YPEL1: variants seen among roughly 807,000 people sequenced by gnomAD.
YPEL1 encodes the protein yippee like 1, also known as protein yippee-like 1.
A neutral mutation model predicts 17.3 loss-of-function variants in YPEL1; 7 were observed. The observed-to-expected ratio is 0.40, with a 90% CI of 0.23 to 0.76. YPEL1 has a LOEUF of 0.76. Ranked by LOEUF, YPEL1 falls within the 30% of genes least tolerant of loss-of-function variation. The probability of loss-of-function intolerance (pLI) is 0.35; values close to 1 mark genes in which losing one functional copy is unlikely to be tolerated. For missense variants in YPEL1, 91 were observed against 155.5 expected, an observed-to-expected ratio of 0.59 and a Z score of 2.21; for synonymous variants, 59 against 59.6, an observed-to-expected ratio of 0.99 and a Z score of 0.05.
chr22:21,711,389 C>T (rs2068164381), intron 1 of YPEL1, among the ~76,000 whole-genome samples: 1 of 152,178 alleles, frequency 6.6e-6, no homozygotes, highest in Non-Finnish European at 1.5e-5. Flanking sequence ...CCAGGTTTGG[C>T]TTTGGAAACA....
intron 1 of YPEL1, among the ~76,000 whole-genome samples, chr22:21,714,286 G>A (rs1335764093): frequency 1.3e-5 from 2 of 152,220 alleles, no homozygotes; most frequent in Admixed American, 6.5e-5. Context: ...CGGTCACCAC[G>A]GCGCTGCTGT....
intron 1 of YPEL1, among the ~76,000 whole-genome samples, chr22:21,732,692 G>GA (rs1291494425): frequency 6.6e-6 from 1 of 152,068 alleles, no homozygotes; most frequent in Non-Finnish European, 1.5e-5. Flanking sequence ...TGAGACAGGA[G>GA]AATCGCTTGA....
chr22:21,713,189 G>A (rs1438872310), intron 1 of YPEL1, among the ~76,000 whole-genome samples: 2 of 152,136 alleles, frequency 1.3e-5, no homozygotes, highest in African/African-American at 2.4e-5. Context: ...GAGGCACTAT[G>A]GGAAACAGTA....
Position 21,703,751 on chromosome 22 carries a change from G to C in YPEL1, c.161+88C>G. ...TTCTTTCAGGACCCCTAAAGACCCA[G>C]GTGATTCTACACAGGGCACTGTGTA... On this transcript the variant is annotated intron_variant, in intron 3 of 4. Transcript: ENST00000339468. This position sits in a 1 kb window ranked among gnomAD's most constrained non-coding sequence, Gnocchi z 6.1. 1.4e-6 allele frequency: 2 copies of C among 1,433,380 alleles called. No homozygotes were observed. Among genetic ancestry groups the C allele is most frequent in the South Asian group, 2.5e-5 (2 of 79,870 alleles). 88.8% of individuals were successfully genotyped at this position (1,433,380 alleles called of 1,614,324 possible).
intron 1 of YPEL1, among the ~76,000 whole-genome samples, chr22:21,717,145 CGGG>C (rs999891495): frequency 1.5e-5 from 1 of 68,782 alleles, no homozygotes; most frequent in East Asian, 3.3e-4. Flanking sequence ...GCTGGGGGGG[CGGG>C]GGGCGGATCA....
intron 4 of YPEL1, among the ~76,000 whole-genome samples, chr22:21,702,625 A>C (rs1042598273): frequency 3.3e-5 from 5 of 151,626 alleles, no homozygotes; most frequent in Admixed American, 6.6e-5. Context: ...AACAAACAAA[A>C]CAACAACAAC....
chr22:21,701,824 C>T (rs1462388816), intron 4 of YPEL1, among the ~76,000 whole-genome samples: 1 of 152,140 alleles, frequency 6.6e-6, no homozygotes, highest in African/African-American at 2.4e-5. Flanking sequence ...CTTTGGGAGG[C>T]CAAGGAAGGA....
intron 1 of YPEL1, among the ~76,000 whole-genome samples, chr22:21,730,870 G>A (rs994285717): frequency 2.0e-5 from 3 of 152,214 alleles, no homozygotes; most frequent in East Asian, 3.8e-4. Context: ...GGCCCCAGGT[G>A]CCTCGGCCCT....
In YPEL1 at chr22:21,703,715, G is replaced by GGGGA; in HGVS notation, c.161+123_161+124insTCCC. 1 of 1,130,282 alleles carries GGGGA rather than the reference G, an allele frequency of 8.8e-7. No individual in the cohort carries two copies. The highest frequency in any genetic ancestry group is 1.3e-6 in the Non-Finnish European group (1 of 795,632). 70.0% of individuals were successfully genotyped at this position (1,130,282 alleles called of 1,614,324 possible). A position where few individuals can be genotyped will look rare whatever the true frequency, so the allele number is the denominator to read the frequency against. On this transcript the variant is annotated intron_variant, in intron 3 of 4. Transcript: ENST00000339468. The surrounding 1 kb of genome is among the most constrained non-coding windows in gnomAD (Gnocchi z 6.1). ...GCGCGTTTCAGAAACTCCCGGCGGGGGGATGGTGGGTTCTTTCAGGACCCC... is the reference window on the plus strand; with the variant it reads ...GCGCGTTTCAGAAACTCCCGGCGGGGGGGAGGATGGTGGGTTCTTTCAGGACCCC...
chr22:21,703,791 C>A lies in YPEL1; in HGVS notation c.161+48G>T. 6.3e-7 allele frequency: 1 copy of A among 1,595,308 alleles called. No homozygotes were observed. The highest frequency in any genetic ancestry group is 8.5e-7 in the Non-Finnish European group (1 of 1,170,158). ...GGCACTGTGTAGGTGCCATCCAGGC[C>A]GTCCCAGGGCCCGTGCCGCTCCCCC... On this transcript the variant is annotated intron_variant, in intron 3 of 4. Coordinates refer to ENST00000339468, the MANE Select transcript of YPEL1 (RefSeq NM_013313.5). This position sits in a 1 kb window ranked among gnomAD's most constrained non-coding sequence, Gnocchi z 6.1.
Position 21,710,680 on chromosome 22 carries a change from C to A in YPEL1, c.65G>T (p.Ser22Ile). The change falls in exon 2 of 5, where the codon AGC becomes ATC. Residue 22 changes from serine (S) to isoleucine (I), a missense_variant. Transcript: ENST00000339468. Reference protein sequence around the residue: ...AYLPNCHRTYSCIHCRAHLAN... With the variant: ...AYLPNCHRTYICIHCRAHLAN... ...CAGGTGTGCTCTGCAGTGGATACAG[C>A]TGTACGTTCGGTGACAGTTCGGCAG... 6.2e-7 allele frequency: 1 copy of A among 1,614,232 alleles called. No homozygotes were observed. Among genetic ancestry groups the A allele is most frequent in the African/African-American group, 1.3e-5 (1 of 75,056 alleles).
chr22:21,720,822 T>G (rs1432329312), intron 1 of YPEL1, among the ~76,000 whole-genome samples: 2 of 149,888 alleles, frequency 1.3e-5, no homozygotes, highest in African/African-American at 2.5e-5. Flanking sequence ...TGTTTTTTTT[T>G]TTTTTTTTGA....
chr22:21,709,684 T>C (rs556148927), intron 2 of YPEL1, among the ~76,000 whole-genome samples: 1 of 152,286 alleles, frequency 6.6e-6, no homozygotes, highest in African/African-American at 2.4e-5. Context: ...CACAACTTCC[T>C]GACAAACTTT....
At chr22:21,705,126 C>A (rs2068103308) in intron 2 of YPEL1, among the ~76,000 whole-genome samples, 1 of 152,102 alleles carries the variant, frequency 6.6e-6, no homozygotes, top group African/African-American at 2.4e-5. Flanking sequence ...CCACTAGGCC[C>A]AGCTAATTTT....
At chr22:21,719,331 T>C (rs767744281) in intron 1 of YPEL1, among the ~76,000 whole-genome samples, 9 of 152,232 alleles carry the variant, frequency 5.9e-5, no homozygotes, top group Non-Finnish European at 1.0e-4. Flanking sequence ...ACTGAACTCA[T>C]GTTCAATCTC....
chr22:21,706,388 T>A (rs1185416015), intron 2 of YPEL1, among the ~76,000 whole-genome samples: 3 of 148,156 alleles, frequency 2.0e-5, no homozygotes, highest in African/African-American at 7.5e-5. Context: ...TGAGCCGAGA[T>A]CGCGCCACTG....
chr22:21,732,449 A>G (rs568171858), intron 1 of YPEL1, among the ~76,000 whole-genome samples: 1 of 152,294 alleles, frequency 6.6e-6, no homozygotes, highest in East Asian at 1.9e-4. Flanking sequence ...ATTCAAAACA[A>G]TTTTGTTTAT....
intron 1 of YPEL1, among the ~76,000 whole-genome samples, chr22:21,716,807 G>C (rs995348364): frequency 3.3e-5 from 5 of 152,244 alleles, no homozygotes; most frequent in African/African-American, 1.2e-4. Flanking sequence ...AAGGCCAGCA[G>C]CAGGACCAGA....
intron 4 of YPEL1, among the ~76,000 whole-genome samples, chr22:21,702,802 C>T (rs2068078572): frequency 6.6e-6 from 1 of 152,050 alleles, no homozygotes; most frequent in African/African-American, 2.4e-5. Context: ...GGAAGCGGGG[C>T]AGGAAGGTGC....
Sources: allele counts gnomAD v4.1 joint callset (sites outside exome capture counted in the v4.1 genomes callset), GRCh38; gene constraint gnomAD v4.1.1; non-coding constraint Gnocchi (gnomAD v3.1); transcripts MANE v1.5; gene names NCBI Gene and HGNC (gene_info 2026-07-23, HGNC 2026-07-21).